Variants in STRBP observed in about 807,000 individuals in gnomAD.
The protein encoded by STRBP is spermatid perinuclear RNA-binding protein.
STRBP carries 13 observed loss-of-function variants against 80.1 expected under a neutral mutation model. That is an observed-to-expected ratio of 0.16 (90% confidence interval 0.11 to 0.26). STRBP has a LOEUF of 0.26. Among genes scored for constraint, STRBP ranks in the 10% least tolerant of loss-of-function variants. The probability of loss-of-function intolerance (pLI) is 1.00; values close to 1 mark genes in which losing one functional copy is unlikely to be tolerated. For missense variants in STRBP, 485 were observed against 815.2 expected (o/e 0.59, Z 4.93); for synonymous variants, 284 against 291.2 (o/e 0.98, Z 0.25).
intron 1 of STRBP, among the ~76,000 whole-genome samples, chr9:123,247,041 A>G (rs2040812983): frequency 6.6e-6 from 1 of 152,206 alleles, no homozygotes; most frequent in African/African-American, 2.4e-5. Flanking sequence ...AATTAATTAA[A>G]TAACAACAAT....
intron 2 of STRBP, among the ~76,000 whole-genome samples, chr9:123,222,133 G>A (rs1173899487): frequency 6.7e-6 from 1 of 149,224 alleles, no homozygotes; most frequent in Non-Finnish European, 1.5e-5. Context: ...CCCTCTCCTC[G>A]CTCTTTCCTT....
In STRBP at chr9:123,178,073, G is replaced by T. The variant is rs186357288; in HGVS notation, c.224+934C>A. 3.0e-4 allele frequency among the ~76,000 whole-genome samples: 45 copies of T among 152,224 alleles called. 1 individual carries two copies. In the East Asian group the frequency reaches 8.3e-3, roughly 28 times the overall value. On this transcript the variant is annotated intron_variant, in intron 4 of 18. Coordinates refer to ENST00000348403, the MANE Select transcript of STRBP (RefSeq NM_018387.5). ...TGCCTGTAAATAGTTTAAAAAAATTGTGCTCTTCAGCAATAAAACTGACAC... is the reference window on the plus strand; with the variant it reads ...TGCCTGTAAATAGTTTAAAAAAATTTTGCTCTTCAGCAATAAAACTGACAC...
intron 5 of STRBP, among the ~76,000 whole-genome samples, chr9:123,172,289 A>C (rs926453754): frequency 3.9e-5 from 6 of 152,226 alleles, no homozygotes; most frequent in Non-Finnish European, 7.3e-5. Context: ...GATGTTTACT[A>C]TACTAACAGC....
At chr9:123,260,141 T>C (rs923969719) in intron 1 of STRBP, among the ~76,000 whole-genome samples, 2 of 152,146 alleles carry the variant, frequency 1.3e-5, no homozygotes, top group Non-Finnish European at 2.9e-5. Flanking sequence ...TGAAATATAG[T>C]ATGTGTGTGC....
At chr9:123,197,901 T>C (rs1410843407) in intron 2 of STRBP, among the ~76,000 whole-genome samples, 1 of 152,084 alleles carries the variant, frequency 6.6e-6, no homozygotes, top group African/African-American at 2.4e-5. Flanking sequence ...CTCAAACTCC[T>C]GACCTCAAGT....
At chr9:123,121,076 T>C (rs904424977), downstream of STRBP, among the ~76,000 whole-genome samples, 3 of 152,188 alleles carry the variant, frequency 2.0e-5, no homozygotes, top group African/African-American at 7.2e-5. Flanking sequence ...GAGGACCTGG[T>C]ACCTAATAGG....
chr9:123,149,889 C>T (rs531259876), intron 11 of STRBP, among the ~76,000 whole-genome samples: 13 of 152,178 alleles, frequency 8.5e-5, no homozygotes, highest in Non-Finnish European at 1.6e-4. Flanking sequence ...ATTTTAGGCG[C>T]TAGACACATA....
chr9:123,256,860 G>A (rs1183104499), intron 1 of STRBP, among the ~76,000 whole-genome samples: 2 of 151,100 alleles, frequency 1.3e-5, no homozygotes, highest in East Asian at 3.9e-4. Context: ...TGGGGAGAAC[G>A]TGAAAACTCC....
chr9:123,142,187 G>A (rs2036616848), intron 13 of STRBP, among the ~76,000 whole-genome samples: 2 of 152,176 alleles, frequency 1.3e-5, no homozygotes, highest in Admixed American at 6.5e-5. Context: ...CTGGTGGGAG[G>A]TGATTGGATC....
chr9:123,165,233 A>G (rs570666671), intron 6 of STRBP, among the ~76,000 whole-genome samples: 1 of 148,982 alleles, frequency 6.7e-6, no homozygotes, highest in Non-Finnish European at 1.5e-5. Flanking sequence ...GTGAGCCGAG[A>G]TCGCACCACT....
chr9:123,252,138 C>A (rs1189826327), intron 1 of STRBP, among the ~76,000 whole-genome samples: 1 of 152,000 alleles, frequency 6.6e-6, no homozygotes, highest in East Asian at 1.9e-4. Context: ...CATGGCACTT[C>A]AACACACAAA....
chr9:123,169,923 C>G lies in STRBP; in HGVS notation c.514G>C (p.Glu172Gln), dbSNP rs779508230. 2.5e-6 allele frequency: 4 copies of G among 1,571,170 alleles called. No individual in the cohort carries two copies. The highest frequency in any genetic ancestry group is 3.4e-6 in the Non-Finnish European group (4 of 1,160,944). Residue 172 changes from glutamate to glutamine, a missense_variant, in exon 6 of 19, where the codon GAA becomes CAA. Transcript: ENST00000348403. ...VILTSPLIRD[E>Q]LEKKDGENVS... Reference sequence around the variant, plus strand: ...GTACCTCCATCCTTCTTCTCCAATTCGTCCCTAATTAGAGGTGAGGTAAGT... The same window carrying G: ...GTACCTCCATCCTTCTTCTCCAATTGGTCCCTAATTAGAGGTGAGGTAAGT...
chr9:123,178,116 T>C, intron 4 of STRBP, among the ~76,000 whole-genome samples: 1 of 152,238 alleles, frequency 6.6e-6, no homozygotes, highest in African/African-American at 2.4e-5. Context: ...ATCTTTGATC[T>C]GAAGATAAAA....
chr9:123,232,757 AAC>A (rs1359607603), intron 2 of STRBP, among the ~76,000 whole-genome samples: 6 of 152,184 alleles, frequency 3.9e-5, no homozygotes, highest in African/African-American at 1.4e-4. Context: ...GTTAGGAAAA[AAC>A]AGTCCTGTGA....
At chr9:123,166,782 CAACAACAACAAA>C (rs1197664007) in intron 6 of STRBP, among the ~76,000 whole-genome samples, 10 of 127,146 alleles carry the variant, frequency 7.9e-5, no homozygotes, top group African/African-American at 4.5e-4. Context: ...ACAACAACAA[CAACAACAACAAA>C]AAAACAAGCC....
intron 1 of STRBP, among the ~76,000 whole-genome samples, chr9:123,238,735 T>C (rs545644393): frequency 8.3e-4 from 127 of 152,352 alleles, no homozygotes; most frequent in African/African-American, 2.9e-3. Context: ...AAATTTGCCC[T>C]GTCTTTCTAA....
chr9:123,264,110 C>T (rs745891221), intron 1 of STRBP, among the ~76,000 whole-genome samples: 2 of 152,122 alleles, frequency 1.3e-5, no homozygotes, highest in Non-Finnish European at 2.9e-5. Context: ...ACCCGGGAGG[C>T]GGAGTTTGCA....
chr9:123,165,323 C>A (rs1354480454), intron 6 of STRBP, among the ~76,000 whole-genome samples: 1 of 151,336 alleles, frequency 6.6e-6, no homozygotes, highest in African/African-American at 2.4e-5. Flanking sequence ...AACGTAGATC[C>A]AGAAACTAGG....
intron 1 of STRBP, among the ~76,000 whole-genome samples, chr9:123,256,792 C>T (rs1359009826): frequency 6.6e-6 from 1 of 152,026 alleles, no homozygotes; most frequent in Non-Finnish European, 1.5e-5. Flanking sequence ...TTAACCTAAA[C>T]TGCGCATCCT....
Sources: allele counts gnomAD v4.1 joint callset (sites outside exome capture counted in the v4.1 genomes callset), GRCh38; gene constraint gnomAD v4.1.1; transcripts MANE v1.5; gene names NCBI Gene and HGNC (gene_info 2026-07-23, HGNC 2026-07-21).